ADARB1: variants seen among roughly 807,000 people sequenced by gnomAD.
ADARB1 encodes the protein adenosine deaminase RNA specific B1.
ADARB1 carries 10 observed loss-of-function variants against 52.4 expected under a neutral mutation model. The observed-to-expected ratio is 0.19, with a 90% CI of 0.12 to 0.32. ADARB1 has a LOEUF of 0.32. Ranked by LOEUF, ADARB1 falls within the 10% of genes least tolerant of loss-of-function variation. The pLI is 1.00. For synonymous variants in ADARB1, 349 were observed against 371.1 expected (o/e 0.94, Z 0.68); for missense variants, 643 against 922.3 (o/e 0.70, Z 3.92).
chr21:45,173,855 G>T (rs1421141996), intron 3 of ADARB1, among the ~76,000 whole-genome samples: 1 of 151,914 alleles, frequency 6.6e-6, no homozygotes, highest in Non-Finnish European at 1.5e-5. Flanking sequence ...TGGTGTGTGT[G>T]TGAGGATTAT....
intron 2 of ADARB1, among the ~76,000 whole-genome samples, chr21:45,129,270 C>T (rs764074985): frequency 1.3e-4 from 20 of 151,870 alleles, no homozygotes; most frequent in Non-Finnish European, 2.5e-4. Flanking sequence ...TTATTTTTGG[C>T]GACTATCTCA....
At chr21:45,203,103 C>T (rs1298060992) in intron 8 of ADARB1, among the ~76,000 whole-genome samples, 3 of 152,250 alleles carry the variant, frequency 2.0e-5, no homozygotes, top group Non-Finnish European at 4.4e-5. Context: ...CTGAGACACT[C>T]CATGAAATTA....
chr21:45,092,617 T>A (rs2086603874), intron 1 of ADARB1, among the ~76,000 whole-genome samples: 1 of 152,200 alleles, frequency 6.6e-6, no homozygotes, highest in Non-Finnish European at 1.5e-5. Flanking sequence ...TAAAAATGGA[T>A]ACATTCTATT....
At chr21:45,106,588 G>A (rs1317743619) in intron 1 of ADARB1, among the ~76,000 whole-genome samples, 1 of 152,160 alleles carries the variant, frequency 6.6e-6, no homozygotes, top group Admixed American at 6.5e-5. Flanking sequence ...GGGAACTTCC[G>A]AGCAACTTAA....
intron 5 of ADARB1, among the ~76,000 whole-genome samples, chr21:45,182,342 G>A (rs746499686): frequency 1.9e-4 from 29 of 152,296 alleles, no homozygotes; most frequent in Non-Finnish European, 3.8e-4. Context: ...TGGACACTAA[G>A]CAATGACGAT....
chr21:45,092,746 G>A (rs1016234543), intron 1 of ADARB1, among the ~76,000 whole-genome samples: 4 of 152,154 alleles, frequency 2.6e-5, no homozygotes, highest in Non-Finnish European at 5.9e-5. Flanking sequence ...TTCCAAAACA[G>A]AGCAGACAAG....
intron 2 of ADARB1, among the ~76,000 whole-genome samples, chr21:45,136,062 A>T (rs999887555): frequency 6.6e-6 from 1 of 152,032 alleles, no homozygotes; most frequent in Admixed American, 6.5e-5. Context: ...CCCTGGGCCC[A>T]TGGGGGTGGG....
At chr21:45,156,545 AT>A (rs1395165508) in intron 2 of ADARB1, among the ~76,000 whole-genome samples, 3,792 of 94,272 alleles carry the variant, frequency 0.04, 191 homozygotes, top group Admixed American at 0.1. Flanking sequence ...CCCATCATCC[AT>A]TCATCCATCC....
Position 45,225,160 on chromosome 21 carries a change from GC to G in ADARB1, c.*2965del. On this transcript the variant is annotated 3_prime_UTR_variant, in exon 11 of 11. Transcript: ENST00000348831. ...CTCAGGACCACTCAGGTACAGCTCT[GC>G]CAGGGACAGAGTCCTGCTAGTGGGA... 9.7e-7 allele frequency: 1 copy of G among 1,029,224 alleles called. No individual in the cohort carries two copies. The highest frequency in any genetic ancestry group is 4.6e-5 in the South Asian group (1 of 21,672). The allele number at this position is 1,029,224 out of a possible 1,614,324, so 63.8% of individuals were successfully genotyped here. A position where few individuals can be genotyped will look rare whatever the true frequency, so the allele number is the denominator to read the frequency against.
Position 45,176,545 on chromosome 21 carries a change from A to C in ADARB1, c.844A>C (p.Lys282Gln). Residue 282 changes from lysine (K) to glutamine (Q), a missense_variant, in exon 4 of 11, where the codon AAG becomes CAG. By Grantham distance (53) the Lys-to-Gln change is moderately conservative. Around this residue, in one of 2 missense-constraint regions of ADARB1, gnomAD observed 380 missense variants for 446.5 expected, o/e 0.85. Transcript: ENST00000348831. This position sits in a 1 kb window ranked among gnomAD's most constrained non-coding sequence, Gnocchi z 5.8. ...QFFEGSGRNK[K>Q]LAKARAAQSA... ...CTTTGAAGGCTCGGGGAGAAACAAGAAGCTTGCCAAGGCCCGGGCTGCGCA... is the reference window on the plus strand; with the variant it reads ...CTTTGAAGGCTCGGGGAGAAACAAGCAGCTTGCCAAGGCCCGGGCTGCGCA... The C allele has an allele frequency of 6.2e-7, 1 of 1,614,184 alleles. No homozygotes were observed.
At chr21:45,167,431 G>A (rs191237084) in intron 2 of ADARB1, among the ~76,000 whole-genome samples, 1 of 152,318 alleles carries the variant, frequency 6.6e-6, no homozygotes, top group African/African-American at 2.4e-5. Flanking sequence ...AGCCATTTGT[G>A]TGTCTTCTGC....
chr21:45,077,539 C>T (rs1255866214), intron 1 of ADARB1, among the ~76,000 whole-genome samples: 1 of 151,878 alleles, frequency 6.6e-6, no homozygotes, highest in Non-Finnish European at 1.5e-5. Context: ...TGGTGGTGGG[C>T]GCCTGTAGTC....
intron 1 of ADARB1, among the ~76,000 whole-genome samples, chr21:45,081,572 C>T (rs1452202447): frequency 6.6e-6 from 1 of 152,140 alleles, no homozygotes; most frequent in Non-Finnish European, 1.5e-5. Flanking sequence ...GTTAGGATGT[C>T]TTCAACTTGC....
At chr21:45,103,498 G>C (rs1029983748) in intron 1 of ADARB1, among the ~76,000 whole-genome samples, 2 of 151,844 alleles carry the variant, frequency 1.3e-5, no homozygotes, top group African/African-American at 4.8e-5. Context: ...GACAGTGGCA[G>C]ATCATCAGAC....
chr21:45,109,916 T>G (rs1055542286), intron 1 of ADARB1, among the ~76,000 whole-genome samples: 3 of 152,166 alleles, frequency 2.0e-5, no homozygotes, highest in African/African-American at 7.2e-5. Flanking sequence ...CTCTCTCTTT[T>G]TGTCGCTATA....
chr21:45,126,801 A>G (rs1488619338), intron 1 of ADARB1, among the ~76,000 whole-genome samples: 7 of 152,118 alleles, frequency 4.6e-5, no homozygotes, highest in Non-Finnish European at 1.0e-4. Context: ...GCAGCTTCCA[A>G]AACCCACTCT....
chr21:45,141,895 G>C (rs2089744735), intron 2 of ADARB1, among the ~76,000 whole-genome samples: 2 of 151,826 alleles, frequency 1.3e-5, no homozygotes. Context: ...TTAGCCACCT[G>C]TGGGTTACCT....
rs1313664418 is a variant in ADARB1, at chr21:45,225,642, A to G, written c.*3445A>G. 2.7e-5 allele frequency: 32 copies of G among 1,172,718 alleles called. No individual in the cohort carries two copies. The highest frequency in any genetic ancestry group is 1.0e-5 in the Non-Finnish European group (9 of 894,744). 72.6% of individuals were successfully genotyped at this position (1,172,718 alleles called of 1,614,324 possible). ...GGAGACTGCACATCCGGACCTGCCCATGTCTCAAAACAAACACATGTACAG... is the reference window on the plus strand; with the variant it reads ...GGAGACTGCACATCCGGACCTGCCCGTGTCTCAAAACAAACACATGTACAG... On this transcript the variant is annotated 3_prime_UTR_variant, in exon 11 of 11. Coordinates refer to ENST00000348831, the MANE Select transcript of ADARB1 (RefSeq NM_001112.4).
chr21:45,120,000 G>A (rs1041499808), intron 1 of ADARB1, among the ~76,000 whole-genome samples: 27 of 152,266 alleles, frequency 1.8e-4, no homozygotes, highest in Middle Eastern at 3.2e-3. Flanking sequence ...AAGCTTTGCA[G>A]CTCTGCACAG....
Sources: gnomAD v4.1 joint callset for allele counts (sites outside exome capture counted in the v4.1 genomes callset) on GRCh38, gnomAD v4.1.1 for gene constraint, gnomAD v4.1.1 regional missense constraint, Gnocchi (gnomAD v3.1) non-coding constraint, MANE v1.5 for transcripts, NCBI Gene and HGNC (gene_info 2026-07-23, HGNC 2026-07-21) for gene names.